Variants in ASIC2 observed in about 807,000 individuals in gnomAD.
The protein encoded by ASIC2 is acid-sensing ion channel 2.
Under a neutral mutation model 57.3 loss-of-function variants are expected in ASIC2, and 25 were observed. That is an observed-to-expected ratio of 0.44 (90% CI 0.32 to 0.61). The LOEUF (loss-of-function observed/expected upper bound fraction) is 0.61. Ranked by LOEUF, ASIC2 falls within the 20% of genes least tolerant of loss-of-function variation. The pLI is 0.06. For synonymous variants in ASIC2, 319 were observed against 307.5 expected (o/e 1.04, Z -0.39); for missense variants, 641 against 738.1 (o/e 0.87, Z 1.52).
chr17:33,765,188 C>T (rs562599159), intron 1 of ASIC2, among the ~76,000 whole-genome samples: 5 of 152,272 alleles, frequency 3.3e-5, no homozygotes, highest in African/African-American at 1.2e-4. Context: ...TCACTGCAAG[C>T]TCCGCCTCCC....
chr17:33,826,603 G>A (rs1224724174), intron 1 of ASIC2, among the ~76,000 whole-genome samples: 1 of 152,148 alleles, frequency 6.6e-6, no homozygotes, highest in African/African-American at 2.4e-5. Context: ...TTTTCCCAGT[G>A]TTTCAGAGCT....
intron 1 of ASIC2, among the ~76,000 whole-genome samples, chr17:33,489,066 C>T (rs1435459236): frequency 6.6e-6 from 1 of 152,088 alleles, no homozygotes; most frequent in Non-Finnish European, 1.5e-5. Context: ...GAGAAGAGAC[C>T]ACATACCATT....
At chr17:34,029,325 C>G (rs1307419833) in intron 1 of ASIC2, among the ~76,000 whole-genome samples, 2 of 123,406 alleles carry the variant, frequency 1.6e-5, no homozygotes. Flanking sequence ...AGTAGACATT[C>G]AATAAATGAA....
At chr17:33,058,982 G>A (rs2092009895) in intron 3 of ASIC2, among the ~76,000 whole-genome samples, 1 of 151,974 alleles carries the variant, frequency 6.6e-6, no homozygotes, top group Non-Finnish European at 1.5e-5. Context: ...GAGTACGTTG[G>A]ATCAAGGAAA....
chr17:33,248,729 G>A (rs531085274), intron 1 of ASIC2, among the ~76,000 whole-genome samples: 1 of 152,232 alleles, frequency 6.6e-6, no homozygotes, highest in African/African-American at 2.4e-5. Flanking sequence ...CTCTATCTCC[G>A]TGGTCACATT....
intron 1 of ASIC2, among the ~76,000 whole-genome samples, chr17:33,633,588 A>G (rs867170248): frequency 2.0e-5 from 3 of 152,184 alleles, no homozygotes; most frequent in African/African-American, 7.2e-5. Flanking sequence ...TACGCCTGCC[A>G]TGTCTGCCAA....
chr17:33,512,955 G>C (rs887467298), intron 1 of ASIC2, among the ~76,000 whole-genome samples: 1 of 152,212 alleles, frequency 6.6e-6, no homozygotes, highest in Non-Finnish European at 1.5e-5. Context: ...AAGTGACTTG[G>C]CCAAGGTGAA....
intron 1 of ASIC2, among the ~76,000 whole-genome samples, chr17:33,788,352 A>G (rs1289572188): frequency 6.6e-6 from 1 of 152,230 alleles, no homozygotes; most frequent in African/African-American, 2.4e-5. Flanking sequence ...AACCACAATG[A>G]GATACCATCT....
intron 1 of ASIC2, among the ~76,000 whole-genome samples, chr17:33,938,793 A>G (rs1326534724): frequency 6.6e-6 from 1 of 152,204 alleles, no homozygotes; most frequent in Non-Finnish European, 1.5e-5. Context: ...GGGGACAGCT[A>G]GAGGCCTCCT....
chr17:33,347,289 A>T (rs1439288510), intron 1 of ASIC2, among the ~76,000 whole-genome samples: 3 of 152,222 alleles, frequency 2.0e-5, no homozygotes, highest in African/African-American at 7.2e-5. Context: ...ACCTAATTGC[A>T]TTCAAGTATG....
intron 1 of ASIC2, among the ~76,000 whole-genome samples, chr17:33,885,323 G>A (rs570131471): frequency 3.9e-5 from 6 of 152,278 alleles, no homozygotes; most frequent in Admixed American, 6.5e-5. Flanking sequence ...TAGGATTTTC[G>A]AGGGGACTAA....
chr17:33,378,705 T>TAA (rs1199108578), intron 1 of ASIC2, among the ~76,000 whole-genome samples: 3 of 152,250 alleles, frequency 2.0e-5, no homozygotes, highest in Non-Finnish European at 4.4e-5. Flanking sequence ...GCAGCAAATC[T>TAA]CAGAAAAATG....
chr17:33,014,193 T>G, intron 9 of ASIC2, 127 bp from the exon 10 acceptor site: 1 of 728,492 alleles, frequency 1.4e-6, no homozygotes, highest in South Asian at 1.6e-5. Context: ...GCTCCAGACA[T>G]CTGATAGGCT....
chr17:33,737,681 G>A (rs2142095431), intron 1 of ASIC2, among the ~76,000 whole-genome samples: 1 of 152,312 alleles, frequency 6.6e-6, no homozygotes, highest in South Asian at 2.1e-4. Context: ...ATGGAATTTA[G>A]TATTTGCTCA....
chr17:33,618,219 GTTGT>G (rs966287440), intron 1 of ASIC2, among the ~76,000 whole-genome samples: 4 of 110,708 alleles, frequency 3.6e-5, no homozygotes, highest in African/African-American at 1.7e-4. Flanking sequence ...TTTTGTTGTT[GTTGT>G]TTGTTTGTTT....
chr17:33,886,161 A>G (rs1914824876), intron 1 of ASIC2, among the ~76,000 whole-genome samples: 3 of 152,178 alleles, frequency 2.0e-5, no homozygotes, highest in African/African-American at 7.2e-5. Flanking sequence ...TGCAAGTTCC[A>G]TCATCTTTGT....
At chr17:33,186,870 A>C (rs1251226196) in intron 1 of ASIC2, among the ~76,000 whole-genome samples, 4 of 152,204 alleles carry the variant, frequency 2.6e-5, no homozygotes, top group African/African-American at 7.2e-5. Context: ...AAAAATCATC[A>C]TTTTGAAGTG....
intron 1 of ASIC2, among the ~76,000 whole-genome samples, chr17:33,412,377 G>A (rs1358721169): frequency 1.3e-5 from 2 of 152,204 alleles, no homozygotes; most frequent in African/African-American, 4.8e-5. Flanking sequence ...GAGGGGTAGA[G>A]AGGGGGTGCT....
chr17:33,336,894 G>A (rs1420459369), intron 1 of ASIC2, among the ~76,000 whole-genome samples: 2 of 151,720 alleles, frequency 1.3e-5, no homozygotes, highest in Non-Finnish European at 2.9e-5. Flanking sequence ...CGTGGCAGAG[G>A]ACCCAGAGGC....
Sources: allele counts gnomAD v4.1 joint callset (sites outside exome capture counted in the v4.1 genomes callset), GRCh38; gene constraint gnomAD v4.1.1; transcripts MANE v1.5; gene names NCBI Gene and HGNC (gene_info 2026-07-23, HGNC 2026-07-21).